Variants in PLA2G4A observed in about 807,000 individuals in gnomAD.
The protein encoded by PLA2G4A is cytosolic phospholipase A2.
In PLA2G4A, 40 loss-of-function variants were observed where a neutral mutation model predicts 81.9. The ratio of observed to expected loss-of-function variants is 0.49; its 90% CI spans 0.38 to 0.64. The LOEUF is 0.64. Ranked by LOEUF, PLA2G4A falls within the 30% of genes least tolerant of loss-of-function variation. The probability of loss-of-function intolerance (pLI) is 0.00; values close to 1 mark genes in which losing one functional copy is unlikely to be tolerated. For synonymous variants in PLA2G4A, 302 were observed against 296.9 expected, an observed-to-expected ratio of 1.02 and a Z score of -0.18; for missense variants, 715 against 905.1, an observed-to-expected ratio of 0.79 and a Z score of 2.69.
At chr1:186,927,069 T>C (rs1655574818) in intron 7 of PLA2G4A, among the ~76,000 whole-genome samples, 1 of 152,220 alleles carries the variant, frequency 6.6e-6, no homozygotes. Flanking sequence ...ATTATGTAGA[T>C]AGAAATCTTT....
At chr1:186,866,222 A>G (rs150025736) in intron 2 of PLA2G4A, among the ~76,000 whole-genome samples, 1 of 152,156 alleles carries the variant, frequency 6.6e-6, no homozygotes, top group African/African-American at 2.4e-5. Context: ...GGCCCCAGGA[A>G]ACATGGTAAG....
chr1:186,934,574 T>A (rs1406929556), intron 8 of PLA2G4A, among the ~76,000 whole-genome samples: 1 of 151,198 alleles, frequency 6.6e-6, no homozygotes, highest in Non-Finnish European at 1.5e-5. Flanking sequence ...ATATGTATAC[T>A]TCTACTCTAT....
chr1:186,860,451 G>A (rs1652757536), intron 2 of PLA2G4A, among the ~76,000 whole-genome samples: 1 of 152,054 alleles, frequency 6.6e-6, no homozygotes, highest in Admixed American at 6.6e-5. Context: ...AATAAATGGG[G>A]GTGAATTCTT....
chr1:186,869,727 T>A (rs1197909824), intron 2 of PLA2G4A, among the ~76,000 whole-genome samples: 1 of 152,204 alleles, frequency 6.6e-6, no homozygotes, highest in Non-Finnish European at 1.5e-5. Context: ...GAGTTTTAGA[T>A]AAAGACCTTG....
intron 13 of PLA2G4A, among the ~76,000 whole-genome samples, chr1:186,955,724 A>C (rs990047888): frequency 2.1e-5 from 3 of 144,584 alleles, no homozygotes; most frequent in African/African-American, 7.8e-5. Flanking sequence ...CAATTATCCA[A>C]AGAAGATCCC....
At chr1:186,910,643 C>T (rs573383755) in intron 6 of PLA2G4A, among the ~76,000 whole-genome samples, 1 of 152,066 alleles carries the variant, frequency 6.6e-6, no homozygotes, top group South Asian at 2.1e-4. Context: ...TTGCTACTGC[C>T]TTCATTAGCA....
intron 2 of PLA2G4A, among the ~76,000 whole-genome samples, chr1:186,857,317 TA>T (rs1415029272): frequency 4.1e-5 from 5 of 120,724 alleles, no homozygotes; most frequent in Non-Finnish European, 8.2e-5. Flanking sequence ...ATATTATATG[TA>T]ATATAATATA....
chr1:186,979,238 T>C, intron 16 of PLA2G4A, 77 bp from the exon 17 acceptor site: 1 of 1,062,276 alleles, frequency 9.4e-7, no homozygotes, highest in South Asian at 1.3e-5. Flanking sequence ...TTTATGTCTG[T>C]ATGTTTTATT....
chr1:186,849,486 C>G (rs1170865432), intron 1 of PLA2G4A, among the ~76,000 whole-genome samples: 1 of 152,046 alleles, frequency 6.6e-6, no homozygotes, highest in Non-Finnish European at 1.5e-5. Flanking sequence ...GCTAGGTAAA[C>G]AGTAGTTGCC....
Position 186,953,779 on chromosome 1 carries a change from G to A in PLA2G4A, c.1337-2323G>A, listed in dbSNP as rs558120927. ...GTTGACTGTTGGGTTTGTCCCACAA[G>A]TGATGCCATTATCAAAGGTATCCTG... On this transcript the variant is annotated intron_variant, in intron 13 of 17. Coordinates refer to ENST00000367466, the MANE Select transcript of PLA2G4A (RefSeq NM_024420.3). Among the ~76,000 whole-genome samples, 158 of 152,320 alleles carry A rather than the reference G, an allele frequency of 1.0e-3. 1 individual carries two copies. Among genetic ancestry groups the A allele is most frequent in the Non-Finnish European group, 1.6e-3 (109 of 68,032 alleles).
chr1:186,899,674 G>T (rs145503932), intron 5 of PLA2G4A, among the ~76,000 whole-genome samples: 37 of 152,274 alleles, frequency 2.4e-4, no homozygotes, highest in Admixed American at 1.1e-3. Flanking sequence ...GTGGGTTATG[G>T]AAGGTTCGTG....
intron 2 of PLA2G4A, among the ~76,000 whole-genome samples, chr1:186,869,205 T>C (rs1167857226): frequency 1.3e-5 from 2 of 152,146 alleles, no homozygotes; most frequent in East Asian, 3.8e-4. Flanking sequence ...CAAGGCATCA[T>C]TCAAATTTTG....
chr1:186,879,175 A>C (rs1159680899), intron 3 of PLA2G4A, among the ~76,000 whole-genome samples: 1 of 151,906 alleles, frequency 6.6e-6, no homozygotes, highest in East Asian at 1.9e-4. Flanking sequence ...TAATATATCA[A>C]TATATTTTAA....
At chr1:186,900,029 G>A (rs1041612164) in intron 5 of PLA2G4A, among the ~76,000 whole-genome samples, 3 of 152,122 alleles carry the variant, frequency 2.0e-5, no homozygotes, top group African/African-American at 7.2e-5. Context: ...TTTTTTGGAG[G>A]AGAAAGACAA....
intron 15 of PLA2G4A, among the ~76,000 whole-genome samples, chr1:186,976,563 A>C (rs1657537369): frequency 6.6e-6 from 1 of 152,184 alleles, no homozygotes; most frequent in South Asian, 2.1e-4. Context: ...TCTGAGATGG[A>C]AACATTGACT....
At chr1:186,893,333 G>C (rs1654214051) in intron 4 of PLA2G4A, among the ~76,000 whole-genome samples, 174 bp downstream of exon 4, 1 of 152,154 alleles carries the variant, frequency 6.6e-6, no homozygotes, top group Non-Finnish European at 1.5e-5. Flanking sequence ...TGTCTATCAG[G>C]ACATACAGGA....
chr1:186,976,941 C>T (rs1657555829), intron 15 of PLA2G4A, among the ~76,000 whole-genome samples: 1 of 152,170 alleles, frequency 6.6e-6, no homozygotes, highest in Non-Finnish European at 1.5e-5. Flanking sequence ...GTATAACCAG[C>T]TTACCAGGAA....
At chr1:186,955,761 G>A (rs574218967) in intron 13 of PLA2G4A, among the ~76,000 whole-genome samples, 4 of 96,722 alleles carry the variant, frequency 4.1e-5, no homozygotes, top group East Asian at 3.4e-4. Context: ...TTAAGACAGA[G>A]TCTTGCTCTG....
intron 13 of PLA2G4A, among the ~76,000 whole-genome samples, chr1:186,955,826 C>T (rs559645732): frequency 1.6e-3 from 239 of 149,958 alleles, no homozygotes; most frequent in African/African-American, 5.6e-3. Flanking sequence ...CTCCGCCTCC[C>T]GGGTTCAAGC....
Sources: gnomAD v4.1 joint callset for allele counts (sites outside exome capture counted in the v4.1 genomes callset) on GRCh38, gnomAD v4.1.1 for gene constraint, MANE v1.5 for transcripts, NCBI Gene and HGNC (gene_info 2026-07-23, HGNC 2026-07-21) for gene names.